The following PLCE1 variants were observed in gnomAD, a reference collection of about 807,000 sequenced individuals.
The protein encoded by PLCE1 is phospholipase C epsilon 1.
PLCE1 carries 119 observed loss-of-function variants against 242.8 expected under a neutral mutation model. The observed-to-expected ratio is 0.49, with a 90% CI of 0.42 to 0.57. PLCE1 has a LOEUF of 0.57. Ranked by LOEUF, PLCE1 falls within the 20% of genes least tolerant of loss-of-function variation. The pLI is 0.00. For synonymous variants in PLCE1, 945 were observed against 1,017.4 expected (o/e 0.93, Z 1.35); for missense variants, 2,441 against 2,788.8 (o/e 0.88, Z 2.81).
intron 1 of PLCE1, among the ~76,000 whole-genome samples, chr10:94,022,611 AATCTT>A (rs1288518472): frequency 6.6e-6 from 1 of 152,114 alleles, no homozygotes; most frequent in African/African-American, 2.4e-5. Context: ...GATTTAAGCC[AATCTT>A]ATCAGAGTCT....
At chr10:94,281,703 C>T (rs1269689416) in intron 20 of PLCE1, among the ~76,000 whole-genome samples, 1 of 152,106 alleles carries the variant, frequency 6.6e-6, no homozygotes, top group East Asian at 1.9e-4. Flanking sequence ...ACTTCCAGCA[C>T]TAAGATCTGT....
In PLCE1 at chr10:94,031,354, A is replaced by G; in HGVS notation, c.308A>G (p.Asn103Ser). The G allele has an allele frequency of 6.2e-7, 1 of 1,613,918 alleles. No homozygotes were observed. The highest frequency in any genetic ancestry group is 8.5e-7 in the Non-Finnish European group (1 of 1,179,862). Residue 103 changes from asparagine (N) to serine (S), a missense_variant, in exon 2 of 33, where the codon AAC becomes AGC. Around this residue, in one of 5 missense-constraint regions of PLCE1, gnomAD observed 393 missense variants for 378.5 expected, o/e 1.04. Coordinates refer to ENST00000371380, the MANE Select transcript of PLCE1 (RefSeq NM_016341.4). ...ATGCCAGATTCTGCGAAAAACCTTA[A>G]CATTAACTGCAACAACATATTGAGA... Reference protein sequence around the residue: ...KIMPDSAKNLNINCNNILRNH... With the variant: ...KIMPDSAKNLSINCNNILRNH...
intron 4 of PLCE1, among the ~76,000 whole-genome samples, chr10:94,185,298 C>T (rs1420245732): frequency 6.6e-6 from 1 of 152,210 alleles, no homozygotes; most frequent in Non-Finnish European, 1.5e-5. Flanking sequence ...AGTTTGAGAC[C>T]ACCCTGGCTA....
chr10:94,303,120 C>T (rs1213722209), intron 24 of PLCE1, among the ~76,000 whole-genome samples: 1 of 152,200 alleles, frequency 6.6e-6, no homozygotes, highest in Non-Finnish European at 1.5e-5. Flanking sequence ...ACTAGGAATT[C>T]CTGCACAAAA....
intron 24 of PLCE1, among the ~76,000 whole-genome samples, chr10:94,302,033 G>C (rs553743653): frequency 2.6e-5 from 4 of 152,224 alleles, no homozygotes; most frequent in African/African-American, 7.2e-5. Context: ...TTGTTTCAGA[G>C]GTGTAGCAGG....
In PLCE1 at chr10:94,269,003, T is replaced by C. The variant is rs200462360; in HGVS notation, c.4356T>C (p.His1452=). 1 of 1,609,100 alleles carries C rather than the reference T, an allele frequency of 6.2e-7. No individual in the cohort carries two copies. The highest frequency in any genetic ancestry group is 8.5e-7 in the Non-Finnish European group (1 of 1,175,954). Residue 1452 remains histidine (H), a synonymous_variant, in exon 17 of 33, where the codon CAT becomes CAC. Transcript: ENST00000371380. The stretch of plus-strand genomic sequence containing the variant: ...ACGATGGGATGCCCATCATTTATCA[T>C]GGACATACGCTGACAACCAAGATCC... ...DGDDGMPIIY[H]GHTLTTKIPF...
chr10:94,105,464 T>C (rs997706282), intron 2 of PLCE1: 1 of 152,180 alleles, frequency 6.6e-6, no homozygotes, highest in Non-Finnish European at 1.5e-5. Context: ...AAACAATACA[T>C]TGACTGATAG....
chr10:94,319,392 G>T (rs780074229), intron 29 of PLCE1, among the ~76,000 whole-genome samples: 3 of 152,176 alleles, frequency 2.0e-5, no homozygotes, highest in Non-Finnish European at 4.4e-5. Flanking sequence ...TGGGCTATAA[G>T]TATTTCCATT....
At chr10:94,036,855 T>C (rs933031528) in intron 2 of PLCE1, among the ~76,000 whole-genome samples, 1 of 152,196 alleles carries the variant, frequency 6.6e-6, no homozygotes, top group Non-Finnish European at 1.5e-5. Context: ...TCAGAGAATG[T>C]GAAGGTGCCA....
chr10:94,121,167 C>T (rs1564707304), intron 2 of PLCE1: 1 of 152,228 alleles, frequency 6.6e-6, no homozygotes, highest in Non-Finnish European at 1.5e-5. Flanking sequence ...AGAATGGAAT[C>T]CAGAGTTGAG....
chr10:94,159,692 T>C (rs2047547512), intron 3 of PLCE1, among the ~76,000 whole-genome samples: 1 of 152,194 alleles, frequency 6.6e-6, no homozygotes, highest in African/African-American at 2.4e-5. Context: ...TATGTATATA[T>C]GTGCCATGTT....
intron 4 of PLCE1, among the ~76,000 whole-genome samples, chr10:94,214,449 T>G (rs879612115): frequency 1.3e-5 from 2 of 152,150 alleles, no homozygotes; most frequent in Non-Finnish European, 2.9e-5. Flanking sequence ...TCACCCAACA[T>G]ATATGTACTG....
intron 20 of PLCE1, chr10:94,280,122 G>A: frequency 1.7e-6 from 1 of 585,736 alleles, no homozygotes; most frequent in Non-Finnish European, 3.0e-6. Flanking sequence ...GGCAGGTGTG[G>A]GAAGTTACAG....
chr10:94,243,748 A>G (rs2137469270), intron 7 of PLCE1, among the ~76,000 whole-genome samples: 1 of 152,318 alleles, frequency 6.6e-6, no homozygotes, highest in Middle Eastern at 3.4e-3. Flanking sequence ...AACTACTATT[A>G]TAAGTTTTAC....
intron 1 of PLCE1, among the ~76,000 whole-genome samples, chr10:94,021,132 A>G (rs955660198): frequency 6.6e-6 from 1 of 152,058 alleles, no homozygotes; most frequent in Non-Finnish European, 1.5e-5. Context: ...CGCCTGGCCA[A>G]TAATAGTTTC....
chr10:94,249,763 G>A (rs929026375), intron 8 of PLCE1, among the ~76,000 whole-genome samples: 7 of 152,170 alleles, frequency 4.6e-5, no homozygotes, highest in African/African-American at 1.7e-4. Context: ...TTGATGTGGG[G>A]TGTGGAGGAA....
At chr10:94,089,014 T>C in intron 2 of PLCE1, 1 of 1,483,338 alleles carries the variant, frequency 6.7e-7, no homozygotes, top group Non-Finnish European at 9.2e-7. Flanking sequence ...TCAGCTAATG[T>C]AAACACTCAT....
At chr10:94,105,545 C>T (rs1392744041) in intron 2 of PLCE1, 3 of 152,116 alleles carry the variant, frequency 2.0e-5, no homozygotes, top group Non-Finnish European at 4.4e-5. Context: ...AGGCACAGAC[C>T]CATTGTTCTC....
chr10:94,158,754 T>C (rs2047509797), intron 3 of PLCE1, among the ~76,000 whole-genome samples: 1 of 152,042 alleles, frequency 6.6e-6, no homozygotes, highest in Non-Finnish European at 1.5e-5. Context: ...TTGTGAATAT[T>C]GTGTGTGTTT....
Sources: allele counts gnomAD v4.1 joint callset (sites outside exome capture counted in the v4.1 genomes callset), GRCh38; gene constraint gnomAD v4.1.1; regional missense constraint gnomAD v4.1.1; transcripts MANE v1.5; gene names NCBI Gene and HGNC (gene_info 2026-07-23, HGNC 2026-07-21).